Variants in SEMA3A observed in about 807,000 individuals in gnomAD.
The protein encoded by SEMA3A is semaphorin-3A.
In SEMA3A, 29 loss-of-function variants were observed where a neutral mutation model predicts 97.9. That is an observed-to-expected ratio of 0.30 (90% CI 0.22 to 0.40). The LOEUF (loss-of-function observed/expected upper bound fraction) is 0.40. Among genes scored for constraint, SEMA3A ranks in the 10% least tolerant of loss-of-function variants. SEMA3A has a pLI of 1.00. For missense variants in SEMA3A, 763 were observed against 951.3 expected (o/e 0.80, Z 2.60); for synonymous variants, 321 against 323.7 (o/e 0.99, Z 0.09).
chr7:84,464,265 T>A (rs569852720), intron 1 of SEMA3A, among the ~76,000 whole-genome samples: 1 of 152,340 alleles, frequency 6.6e-6, no homozygotes, highest in South Asian at 2.1e-4. Flanking sequence ...GTGCCTGAGG[T>A]TGCATCACAA....
At chr7:84,422,443 T>C (rs1449281236) in intron 1 of SEMA3A, among the ~76,000 whole-genome samples, 2 of 152,106 alleles carry the variant, frequency 1.3e-5, no homozygotes, top group African/African-American at 2.4e-5. Flanking sequence ...CATCTATCTA[T>C]TTTGTTAATC....
intron 4 of SEMA3A, among the ~76,000 whole-genome samples, chr7:84,061,818 T>A (rs749138323): frequency 6.0e-4 from 91 of 152,326 alleles, no homozygotes; most frequent in Non-Finnish European, 1.2e-3. Context: ...TAATCTTCTT[T>A]CTTTGCATTT....
At chr7:84,133,819 G>A (rs1240129531) in intron 2 of SEMA3A, among the ~76,000 whole-genome samples, 1 of 149,850 alleles carries the variant, frequency 6.7e-6, no homozygotes, top group Non-Finnish European at 1.5e-5. Context: ...GAGAGGCCAA[G>A]GCGGGCGGAT....
At chr7:84,135,533 T>C (rs1253001912) in intron 1 of SEMA3A, among the ~76,000 whole-genome samples, 1 of 152,312 alleles carries the variant, frequency 6.6e-6, no homozygotes, top group East Asian at 1.9e-4. Context: ...CAGAATTTAT[T>C]TGCATGTAGT....
chr7:84,288,760 C>T (rs1247233368), intron 3 of SEMA3A, among the ~76,000 whole-genome samples: 1 of 152,008 alleles, frequency 6.6e-6, no homozygotes, highest in Non-Finnish European at 1.5e-5. Context: ...CTGAACTTGG[C>T]TTATATATTG....
chr7:84,041,252 C>T (rs1792124325), intron 6 of SEMA3A, among the ~76,000 whole-genome samples: 1 of 151,876 alleles, frequency 6.6e-6, no homozygotes, highest in African/African-American at 2.4e-5. Context: ...GAAAGTATGT[C>T]CTTGATAAAG....
chr7:84,464,500 TA>T (rs1315534102), intron 1 of SEMA3A, among the ~76,000 whole-genome samples: 1 of 152,124 alleles, frequency 6.6e-6, no homozygotes, highest in African/African-American at 2.4e-5. Flanking sequence ...TTAATAGGTT[TA>T]AGAATGAAGA....
chr7:84,002,737 T>C (rs1790510970), intron 11 of SEMA3A, among the ~76,000 whole-genome samples: 1 of 152,140 alleles, frequency 6.6e-6, no homozygotes, highest in South Asian at 2.1e-4. Flanking sequence ...GATTAATCCA[T>C]TTTAGAGAAT....
chr7:84,143,960 C>CTA (rs1481583683), intron 1 of SEMA3A, among the ~76,000 whole-genome samples: 26 of 140,178 alleles, frequency 1.9e-4, no homozygotes, highest in East Asian at 6.6e-4. Context: ...AACACACACA[C>CTA]ACACACACAC....
chr7:84,324,035 T>A (rs1050584288), intron 2 of SEMA3A, among the ~76,000 whole-genome samples: 14 of 152,196 alleles, frequency 9.2e-5, no homozygotes, highest in Non-Finnish European at 2.1e-4. Flanking sequence ...TTCCTAGCTG[T>A]TAAAATAAAT....
intron 4 of SEMA3A, among the ~76,000 whole-genome samples, chr7:84,062,624 G>A (rs1018218660): frequency 1.3e-5 from 2 of 152,330 alleles, no homozygotes; most frequent in East Asian, 3.9e-4. Flanking sequence ...AAGGGGTCAG[G>A]GAGTTCCCTT....
At chr7:84,364,501 A>C (rs1802799765) in intron 2 of SEMA3A, among the ~76,000 whole-genome samples, 1 of 151,686 alleles carries the variant, frequency 6.6e-6, no homozygotes, top group African/African-American at 2.4e-5. Flanking sequence ...AAATCATTTG[A>C]ATTTTTACAT....
At chr7:84,047,239 A>G (rs1792390072) in intron 5 of SEMA3A, among the ~76,000 whole-genome samples, 1 of 152,054 alleles carries the variant, frequency 6.6e-6, no homozygotes, top group Admixed American at 6.6e-5. Flanking sequence ...TGGAGGAATC[A>G]TATCCAGACG....
intron 1 of SEMA3A, among the ~76,000 whole-genome samples, chr7:84,158,387 C>G (rs1305001805): frequency 6.6e-6 from 1 of 151,876 alleles, no homozygotes; most frequent in Non-Finnish European, 1.5e-5. Flanking sequence ...CTCCTGACCT[C>G]GTGATCCACC....
intron 6 of SEMA3A, among the ~76,000 whole-genome samples, chr7:84,023,454 A>G (rs930589741): frequency 1.5e-4 from 23 of 152,286 alleles, no homozygotes; most frequent in Middle Eastern, 6.8e-3. Flanking sequence ...TGGGATACAT[A>G]TTGGTTTTCT....
chr7:84,081,331 G>T (rs1246798878), intron 4 of SEMA3A, among the ~76,000 whole-genome samples: 2 of 152,076 alleles, frequency 1.3e-5, no homozygotes, highest in South Asian at 2.1e-4. Flanking sequence ...GGTGGCTCAT[G>T]CCTGTAATCC....
chr7:84,177,942 C>G (rs575677276), intron 1 of SEMA3A, among the ~76,000 whole-genome samples: 1 of 152,108 alleles, frequency 6.6e-6, no homozygotes, highest in African/African-American at 2.4e-5. Flanking sequence ...CTAATGTATA[C>G]ATATTGGCTT....
chr7:84,479,716 A>T (rs1178751108), intron 1 of SEMA3A, among the ~76,000 whole-genome samples: 1 of 152,182 alleles, frequency 6.6e-6, no homozygotes, highest in African/African-American at 2.4e-5. Flanking sequence ...AAAAAATACA[A>T]TCCCAAATAA....
chr7:84,455,115 G>A (rs1338082770), intron 1 of SEMA3A, among the ~76,000 whole-genome samples: 2 of 151,878 alleles, frequency 1.3e-5, no homozygotes, highest in Non-Finnish European at 2.9e-5. Flanking sequence ...CTATCAGAAA[G>A]TGAAATCTGG....
Sources: allele counts gnomAD v4.1 joint callset (sites outside exome capture counted in the v4.1 genomes callset), GRCh38; gene constraint gnomAD v4.1.1; transcripts MANE v1.5; gene names NCBI Gene and HGNC (gene_info 2026-07-23, HGNC 2026-07-21).